The following FOXN3 variants were observed in gnomAD, a reference collection of about 807,000 sequenced individuals.
FOXN3 encodes the protein forkhead box N3, also known as forkhead box protein N3.
FOXN3 carries 7 observed loss-of-function variants against 38.4 expected under a neutral mutation model. The ratio of observed to expected loss-of-function variants is 0.18; its 90% CI spans 0.10 to 0.34. FOXN3 has a LOEUF of 0.34. Ranked by LOEUF, FOXN3 falls within the 10% of genes least tolerant of loss-of-function variation. The pLI is 1.00. For missense variants in FOXN3, 456 were observed against 613.4 expected, an observed-to-expected ratio of 0.74 and a Z score of 2.71; for synonymous variants, 230 against 242.2, an observed-to-expected ratio of 0.95 and a Z score of 0.47.
intron 1 of FOXN3, among the ~76,000 whole-genome samples, chr14:89,513,922 A>ACACACACACGCACG (rs1555358206): frequency 5.9e-5 from 9 of 151,418 alleles, no homozygotes; most frequent in Admixed American, 2.6e-4. Flanking sequence ...ACACACACAC[A>ACACACACACGCACG]CACACACGCA....
intron 1 of FOXN3, among the ~76,000 whole-genome samples, chr14:89,428,877 A>G (rs1892100754): frequency 6.6e-6 from 1 of 152,230 alleles, no homozygotes; most frequent in Admixed American, 6.5e-5. Context: ...GATGGAGGCC[A>G]GTCCCAGGGA....
chr14:89,563,870 G>A (rs1895296673), intron 1 of FOXN3, among the ~76,000 whole-genome samples: 1 of 152,002 alleles, frequency 6.6e-6, no homozygotes, highest in Non-Finnish European at 1.5e-5. Context: ...TTTTTTTTGA[G>A]ACAGAGTTTC....
At chr14:89,437,716 GCAACCAGCAGC>G (rs1328141642) in intron 1 of FOXN3, among the ~76,000 whole-genome samples, 2 of 152,126 alleles carry the variant, frequency 1.3e-5, no homozygotes, top group African/African-American at 4.8e-5. Flanking sequence ...ATAAAAATAG[GCAACCAGCAGC>G]CATCAGGGCT....
At chr14:89,608,369 T>C (rs1316007) in intron 1 of FOXN3, among the ~76,000 whole-genome samples, 123,521 of 145,082 alleles carry the variant, frequency 0.85, 54,312 homozygotes, top group East Asian at 1. Flanking sequence ...CTCGATCTCC[T>C]GACCTCGTGA....
chr14:89,512,108 G>A (rs746416533), intron 1 of FOXN3, among the ~76,000 whole-genome samples: 3 of 151,456 alleles, frequency 2.0e-5, no homozygotes, highest in Non-Finnish European at 4.4e-5. Flanking sequence ...AGGGCACACC[G>A]CTGTTCTCAG....
At position 89,157,865 on chromosome 14, in the gene FOXN3, C is replaced by A. The variant is rs1166155225; in HGVS notation, c.*4549G>T. 1 of 152,590 alleles carries A rather than the reference C, an allele frequency of 6.6e-6. No individual in the cohort carries two copies. The highest frequency in any genetic ancestry group is 1.5e-5 in the Non-Finnish European group (1 of 68,036). The allele number at this position is 152,590 out of a possible 1,614,324, so 9.5% of individuals were successfully genotyped here. A position where few individuals can be genotyped will look rare whatever the true frequency, so the allele number is the denominator to read the frequency against. On this transcript the variant is annotated 3_prime_UTR_variant, in exon 6 of 6. Transcript: ENST00000557258. ...GACACTAAGGACTTAACTGTCAACA[C>A]TGGGAAGTCACAATCAAGAGGAAAC... is the stretch of plus-strand genomic sequence containing the variant.
Position 89,539,812 on chromosome 14 carries a change from C to T in FOXN3, c.-15+79216G>A, listed in dbSNP as rs1008242037. Among the ~76,000 whole-genome samples, 6 of 152,160 alleles carry T rather than the reference C, an allele frequency of 3.9e-5. No individual in the cohort carries two copies. In the South Asian group the frequency reaches 8.3e-4, roughly 21 times the overall value. On this transcript the variant is annotated intron_variant, in intron 1 of 6. Coordinates refer to the FOXN3 transcript ENST00000345097. ...AGGGAGGCTCGTTAGGGTTAGTCCA[C>T]GGCAGCTGTGCCTTCTGATACTAAA...
At chr14:89,208,597 T>C (rs1225636087) in intron 4 of FOXN3, among the ~76,000 whole-genome samples, 1 of 152,218 alleles carries the variant, frequency 6.6e-6, no homozygotes, top group African/African-American at 2.4e-5. Flanking sequence ...TTATACCTTA[T>C]AATTGGCCCC....
intron 1 of FOXN3, among the ~76,000 whole-genome samples, chr14:89,512,793 G>C (rs1305213235): frequency 6.6e-6 from 1 of 152,214 alleles, no homozygotes; most frequent in Non-Finnish European, 1.5e-5. Context: ...AGCAAGTACT[G>C]TCAGGTGGTG....
chr14:89,334,887 C>T (rs1007320903), intron 3 of FOXN3, among the ~76,000 whole-genome samples: 2 of 151,946 alleles, frequency 1.3e-5, no homozygotes, highest in Non-Finnish European at 2.9e-5. Context: ...CTGCCTCAGC[C>T]GCCCCAGTAG....
intron 4 of FOXN3, among the ~76,000 whole-genome samples, chr14:89,184,631 G>A (rs1037417327): frequency 8.5e-5 from 13 of 152,224 alleles, no homozygotes; most frequent in Admixed American, 2.0e-4. Context: ...GCCTTGCCCC[G>A]TTACTGGCTC....
chr14:89,404,444 G>A (rs1891333640), intron 2 of FOXN3, among the ~76,000 whole-genome samples: 1 of 138,970 alleles, frequency 7.2e-6, no homozygotes, highest in Admixed American at 8.0e-5. Flanking sequence ...GGCGGAGGTT[G>A]CAGTGAGCCG....
At chr14:89,392,216 C>T (rs1411540155) in intron 2 of FOXN3, among the ~76,000 whole-genome samples, 1 of 152,200 alleles carries the variant, frequency 6.6e-6, no homozygotes, top group East Asian at 1.9e-4. Context: ...GCCCCCACTG[C>T]GTGGCTGTGA....
intron 4 of FOXN3, among the ~76,000 whole-genome samples, chr14:89,267,393 G>A (rs1391335558): frequency 6.6e-6 from 1 of 152,192 alleles, no homozygotes; most frequent in Non-Finnish European, 1.5e-5. Context: ...CAGGGAAGCA[G>A]CTGCCTTCGC....
In FOXN3 at chr14:89,163,320, C is replaced by T. The variant is rs540117284; in HGVS notation, c.852-351G>A. Reference sequence around the variant, plus strand: ...TTGGTTCGTGTCCCCGCCAACACCACAGAGTCAGACACCGCCAGACGATGT... The same window carrying T: ...TTGGTTCGTGTCCCCGCCAACACCATAGAGTCAGACACCGCCAGACGATGT... On this transcript the variant is annotated intron_variant, in intron 5 of 5. Transcript: ENST00000557258. This position sits in a 1 kb window ranked among gnomAD's most constrained non-coding sequence, Gnocchi z 4.3. Among the ~76,000 whole-genome samples the T allele has an allele frequency of 1.1e-3, 172 of 152,286 alleles. No individual in the cohort carries two copies. The highest frequency in any genetic ancestry group is 3.3e-3 in the African/African-American group (139 of 41,564).
At chr14:89,408,652 C>T (rs759165930) in intron 2 of FOXN3, among the ~76,000 whole-genome samples, 12 of 150,804 alleles carry the variant, frequency 8.0e-5, no homozygotes, top group Non-Finnish European at 1.3e-4. Context: ...TGTTCCAAGC[C>T]CTCAGGGACA....
At chr14:89,498,421 C>A (rs1893732352) in intron 1 of FOXN3, among the ~76,000 whole-genome samples, 1 of 151,922 alleles carries the variant, frequency 6.6e-6, no homozygotes, top group Admixed American at 6.6e-5. Flanking sequence ...GATGGGGTTT[C>A]ACTGTTAGCC....
At chr14:89,420,362 G>A (rs1891871278), upstream of FOXN3, among the ~76,000 whole-genome samples, 1 of 152,218 alleles carries the variant, frequency 6.6e-6, no homozygotes, top group Admixed American at 6.5e-5. Flanking sequence ...ATCTGGGGAA[G>A]GGAGGGGAGA....
chr14:89,336,630 T>C (rs1012355452), intron 3 of FOXN3, among the ~76,000 whole-genome samples: 2 of 152,208 alleles, frequency 1.3e-5, no homozygotes, highest in African/African-American at 4.8e-5. Context: ...TCACATGCTG[T>C]CTGTATACCA....
Sources: allele counts gnomAD v4.1 joint callset (sites outside exome capture counted in the v4.1 genomes callset), GRCh38; gene constraint gnomAD v4.1.1; non-coding constraint Gnocchi (gnomAD v3.1); transcripts MANE v1.5; gene names NCBI Gene and HGNC (gene_info 2026-07-23, HGNC 2026-07-21).